ZNF474: variants seen among roughly 807,000 people sequenced by gnomAD.
The protein encoded by ZNF474 is 4933409D10Rik.
For synonymous variants in ZNF474, 192 were observed against 162.2 expected (o/e 1.18, Z -1.39); for missense variants, 511 against 433.8 (o/e 1.18, Z -1.58).
intron 1 of ZNF474, among the ~76,000 whole-genome samples, chr5:122,151,065 G>A (rs990352356): frequency 3.3e-5 from 5 of 152,052 alleles, no homozygotes; most frequent in Non-Finnish European, 5.9e-5. Context: ...CCCTCTGAGG[G>A]CTATCCTGAT....
intron 1 of ZNF474, among the ~76,000 whole-genome samples, chr5:122,146,405 G>A (rs984794740): frequency 1.3e-5 from 2 of 151,976 alleles, no homozygotes; most frequent in African/African-American, 4.8e-5. Context: ...AAAAGGAAGT[G>A]TGATCAATTT....
At chr5:122,146,997 T>A (rs1178463109) in intron 1 of ZNF474, among the ~76,000 whole-genome samples, 7 of 152,252 alleles carry the variant, frequency 4.6e-5, no homozygotes, top group Admixed American at 4.6e-4. Flanking sequence ...TGGGGCTCTA[T>A]TAATTGAGGG....
At position 122,138,721 on chromosome 5, in the gene ZNF474, C is replaced by T. The variant is rs1320990184; in HGVS notation, c.-213+9038C>T. Among the ~76,000 whole-genome samples, 4 of 152,076 alleles carry T rather than the reference C, an allele frequency of 2.6e-5. No homozygotes were observed. In the East Asian group the frequency reaches 7.7e-4, roughly 29 times the overall value. ...AAGATTATAACATTGATTATCAATA[C>T]ATCCCCTTGACCCGGAAGAAATATG... On this transcript the variant is annotated intron_variant, in intron 1 of 1. Coordinates refer to ENST00000296600, the MANE Select transcript of ZNF474 (RefSeq NM_207317.3).
intron 1 of ZNF474, among the ~76,000 whole-genome samples, chr5:122,150,087 C>T (rs1171751761): frequency 6.6e-6 from 1 of 152,106 alleles, no homozygotes; most frequent in East Asian, 1.9e-4. Context: ...AAATGATAAA[C>T]TAAAATTCCT....
At chr5:122,135,400 A>G (rs890851833) in intron 1 of ZNF474, among the ~76,000 whole-genome samples, 8 of 152,224 alleles carry the variant, frequency 5.3e-5, no homozygotes, top group African/African-American at 1.9e-4. Context: ...AATGTCCAAC[A>G]TCACTAATCA....
rs2152607468 is a variant in ZNF474 at position 122,152,856 on chromosome 5, A to G, written c.866A>G (p.His289Arg). 1.2e-6 allele frequency: 2 copies of G among 1,614,174 alleles called. No homozygotes were observed. The highest frequency in any genetic ancestry group is 1.1e-5 in the South Asian group (1 of 91,084). The change falls in exon 2 of 2, where the codon CAT (histidine) becomes CGT (arginine). Residue 289 changes from histidine (H) to arginine (R), a missense_variant. Physicochemically the swap from His to Arg is conservative, Grantham distance 29. Coordinates refer to ENST00000296600, the MANE Select transcript of ZNF474 (RefSeq NM_207317.3). Reference protein sequence around the residue: ...PNQAQLVFCPHCSRIFTSDRL... With the variant: ...PNQAQLVFCPRCSRIFTSDRL... ...CAAGCTCAGCTTGTGTTCTGCCCAC[A>G]TTGTAGCCGAATCTTTACCTCAGAC...
chr5:122,138,687 T>C (rs1457189933), intron 1 of ZNF474, among the ~76,000 whole-genome samples: 2 of 152,158 alleles, frequency 1.3e-5, no homozygotes, highest in Non-Finnish European at 1.5e-5. Flanking sequence ...ATGGATTAAT[T>C]ACTAAATGAA....
chr5:122,145,556 G>C (rs895573143), intron 1 of ZNF474, among the ~76,000 whole-genome samples: 1 of 152,144 alleles, frequency 6.6e-6, no homozygotes, highest in African/African-American at 2.4e-5. Context: ...GTCAGCAGGT[G>C]AAGAGTGTCA....
chr5:122,135,666 G>T (rs1250226391), intron 1 of ZNF474, among the ~76,000 whole-genome samples: 1 of 152,114 alleles, frequency 6.6e-6, no homozygotes, highest in African/African-American at 2.4e-5. Context: ...GTTGAAATCA[G>T]TATGCCAAAG....
chr5:122,140,775 A>G (rs1755817264), intron 1 of ZNF474, among the ~76,000 whole-genome samples: 1 of 152,192 alleles, frequency 6.6e-6, no homozygotes, highest in African/African-American at 2.4e-5. Context: ...TATAGACAAA[A>G]TATTCAGTCT....
intron 1 of ZNF474, among the ~76,000 whole-genome samples, chr5:122,139,900 G>A (rs1180530178): frequency 6.6e-6 from 1 of 152,178 alleles, no homozygotes; most frequent in African/African-American, 2.4e-5. Flanking sequence ...TTAATGGAGT[G>A]GTCTTCGTAG....
At chr5:122,131,385 C>T (rs758447110) in intron 1 of ZNF474, among the ~76,000 whole-genome samples, 3 of 152,034 alleles carry the variant, frequency 2.0e-5, no homozygotes, top group Non-Finnish European at 4.4e-5. Flanking sequence ...GCATTATTAA[C>T]AATGGTCCAT....
intron 1 of ZNF474, among the ~76,000 whole-genome samples, chr5:122,142,784 T>G (rs567320637): frequency 6.6e-6 from 1 of 152,222 alleles, no homozygotes; most frequent in African/African-American, 2.4e-5. Context: ...ATGAGAGATG[T>G]GGGGAGAACA....
rs572510540 is a variant in ZNF474 at position 122,133,498 on chromosome 5, T to C, written c.-213+3815T>C. Reference sequence around the variant, plus strand: ...GCTATCACTTCCATAAAATACCTATTTCTTTTGAGCCTAAAATGTAAACTA... The same window carrying C: ...GCTATCACTTCCATAAAATACCTATCTCTTTTGAGCCTAAAATGTAAACTA... On this transcript the variant is annotated intron_variant, in intron 1 of 1. Transcript: ENST00000296600. Among the ~76,000 whole-genome samples, 3 of 152,330 alleles carry C rather than the reference T, an allele frequency of 2.0e-5. No homozygotes were observed. The South Asian group carries it at 6.2e-4, about 32-fold the overall frequency.
At chr5:122,147,397 T>C (rs1167206398) in intron 1 of ZNF474, among the ~76,000 whole-genome samples, 1 of 152,184 alleles carries the variant, frequency 6.6e-6, no homozygotes, top group African/African-American at 2.4e-5. Context: ...TTATATACTT[T>C]AAGTTCTAGG....
At chr5:122,141,546 A>G (rs1045187715) in intron 1 of ZNF474, among the ~76,000 whole-genome samples, 1 of 151,962 alleles carries the variant, frequency 6.6e-6, no homozygotes, top group African/African-American at 2.4e-5. Context: ...TGACCTCATG[A>G]TCCATCCACC....
intron 1 of ZNF474, among the ~76,000 whole-genome samples, chr5:122,133,300 A>G (rs138378080): frequency 6.6e-6 from 1 of 152,202 alleles, no homozygotes; most frequent in Non-Finnish European, 1.5e-5. Flanking sequence ...TATTTATAAC[A>G]TCAGCTCTGT....
intron 1 of ZNF474, among the ~76,000 whole-genome samples, chr5:122,136,446 T>C (rs1056550077): frequency 8.5e-5 from 13 of 152,180 alleles, no homozygotes; most frequent in Non-Finnish European, 1.6e-4. Context: ...TTCTACCTAG[T>C]TAGGCAGTGC....
At chr5:122,136,934 C>A (rs1475577811) in intron 1 of ZNF474, among the ~76,000 whole-genome samples, 1 of 152,130 alleles carries the variant, frequency 6.6e-6, no homozygotes, top group East Asian at 1.9e-4. Flanking sequence ...GGGCGAGGTG[C>A]TGGTGATATA....
Sources: allele counts gnomAD v4.1 joint callset (sites outside exome capture counted in the v4.1 genomes callset), GRCh38; gene constraint gnomAD v4.1.1; transcripts MANE v1.5; gene names NCBI Gene and HGNC (gene_info 2026-07-23, HGNC 2026-07-21).